The following ATP9B variants were observed in gnomAD, a reference collection of about 807,000 sequenced individuals.
The protein encoded by ATP9B is ATPase phospholipid transporting 9B.
A neutral mutation model predicts 146.1 loss-of-function variants in ATP9B; 110 were observed. The ratio of observed to expected loss-of-function variants is 0.75; its 90% CI spans 0.65 to 0.88. The LOEUF (loss-of-function observed/expected upper bound fraction) is 0.88, where lower values mean the gene tolerates loss of function less well. ATP9B is among the 40% of genes least tolerant of loss of function. The pLI is 0.00. For synonymous variants in ATP9B, 604 were observed against 569.7 expected, an observed-to-expected ratio of 1.06 and a Z score of -0.86; for missense variants, 1,499 against 1,496.4, an observed-to-expected ratio of 1.00 and a Z score of -0.03.
At chr18:79,199,011 G>A (rs1271846934) in intron 9 of ATP9B, among the ~76,000 whole-genome samples, 1 of 152,034 alleles carries the variant, frequency 6.6e-6, no homozygotes, top group South Asian at 2.1e-4. Context: ...GAGTGCAGTG[G>A]CGCAATCTCA....
chr18:79,348,851 G>C (rs535645605), intron 25 of ATP9B, among the ~76,000 whole-genome samples: 1 of 152,246 alleles, frequency 6.6e-6, no homozygotes, highest in South Asian at 2.1e-4. Flanking sequence ...AGGCGTGGTG[G>C]TGTGTGCCTG....
At chr18:79,242,806 A>C (rs1259041149) in intron 11 of ATP9B, among the ~76,000 whole-genome samples, 4 of 152,276 alleles carry the variant, frequency 2.6e-5, no homozygotes, top group Non-Finnish European at 5.9e-5. Context: ...GAAGACATAA[A>C]GTAACACAAA....
intron 13 of ATP9B, among the ~76,000 whole-genome samples, chr18:79,294,534 T>A (rs2096533788): frequency 6.6e-6 from 1 of 152,198 alleles, no homozygotes; most frequent in Non-Finnish European, 1.5e-5. Flanking sequence ...CCAGGTTCTT[T>A]AACAAATCAA....
chr18:79,307,149 G>A lies in ATP9B; in HGVS notation c.1688G>A (p.Gly563Asp). 6.2e-7 allele frequency: 1 copy of A among 1,614,192 alleles called. No homozygotes were observed. The highest frequency in any genetic ancestry group is 8.5e-7 in the Non-Finnish European group (1 of 1,180,044). ...NVTPVYESRA[G>D]VTEETEFAEA... is the part of the protein sequence containing the mutation. ...ACCCCCGTGTATGAGTCTCGGGCCGGCGTTACTGAGGAGACTGAGTTCGCA... is the reference window on the plus strand; with the variant it reads ...ACCCCCGTGTATGAGTCTCGGGCCGACGTTACTGAGGAGACTGAGTTCGCA... The change falls in exon 15 of 30, where the codon GGC (glycine) becomes GAC (aspartate). Residue 563 changes from glycine to aspartate, a missense_variant. Transcript: ENST00000426216.
At chr18:79,235,547 A>G (rs748357052) in intron 11 of ATP9B, among the ~76,000 whole-genome samples, 14 of 152,116 alleles carry the variant, frequency 9.2e-5, no homozygotes, top group Admixed American at 3.3e-4. Context: ...TTTTTATATT[A>G]TTGACAACAG....
At chr18:79,135,917 GCC>G (rs2094441890) in intron 5 of ATP9B, among the ~76,000 whole-genome samples, 2 of 152,014 alleles carry the variant, frequency 1.3e-5, no homozygotes, top group African/African-American at 4.8e-5. Flanking sequence ...CTACTGCATT[GCC>G]TTTAAACTCT....
chr18:79,369,724 T>A (rs1229542963), intron 26 of ATP9B, among the ~76,000 whole-genome samples: 3 of 152,208 alleles, frequency 2.0e-5, no homozygotes, highest in Non-Finnish European at 4.4e-5. Flanking sequence ...ATCAGCGTGC[T>A]CTGTGCCCCA....
chr18:79,188,706 A>G (rs925699990), intron 8 of ATP9B, among the ~76,000 whole-genome samples: 1 of 152,196 alleles, frequency 6.6e-6, no homozygotes, highest in Non-Finnish European at 1.5e-5. Context: ...TGTGCTTTTT[A>G]GAGACCTTGG....
At chr18:79,129,343 A>T (rs1162591350) in intron 5 of ATP9B, among the ~76,000 whole-genome samples, 2 of 152,090 alleles carry the variant, frequency 1.3e-5, no homozygotes, top group South Asian at 2.1e-4. Context: ...CTCAGATCCA[A>T]AGTCTTTCCC....
At chr18:79,285,729 T>C (rs2096431749) in intron 13 of ATP9B, among the ~76,000 whole-genome samples, 2 of 152,230 alleles carry the variant, frequency 1.3e-5, no homozygotes, top group South Asian at 4.1e-4. Flanking sequence ...TAGGTTCTCT[T>C]CTAGAGTTTT....
chr18:79,314,929 G>A (rs532445702), intron 15 of ATP9B, among the ~76,000 whole-genome samples: 23 of 152,370 alleles, frequency 1.5e-4, no homozygotes, highest in African/African-American at 5.5e-4. Flanking sequence ...AAGCGCTGAA[G>A]GCGTGGGGTG....
At chr18:79,086,873 T>G (rs2073886545) in intron 1 of ATP9B, among the ~76,000 whole-genome samples, 1 of 152,206 alleles carries the variant, frequency 6.6e-6, no homozygotes, top group South Asian at 2.1e-4. Flanking sequence ...GCTACTAAAG[T>G]CAAGGCATAT....
intron 1 of ATP9B, among the ~76,000 whole-genome samples, chr18:79,071,942 AT>A (rs766579974): frequency 2.5e-5 from 2 of 78,516 alleles, no homozygotes; most frequent in Admixed American, 1.2e-4. Context: ...TTTAGCCATT[AT>A]TTCTTCAACT....
intron 26 of ATP9B, among the ~76,000 whole-genome samples, chr18:79,369,465 G>A (rs7237828): frequency 0.054 from 7,850 of 146,282 alleles, 349 homozygotes; most frequent in African/African-American, 0.13. Flanking sequence ...CCCGGGAGGC[G>A]AAGCCTGCAG....
rs2096897912 is a variant in ATP9B, at chr18:79,347,706, A to C, written c.2683-64A>C. 1.3e-5 allele frequency: 19 copies of C among 1,470,702 alleles called. 1 individual carries two copies. The highest frequency in any genetic ancestry group is 1.7e-5 in the Non-Finnish European group (19 of 1,106,854). 91.1% of individuals were successfully genotyped at this position (1,470,702 alleles called of 1,614,324 possible). Reference sequence around the variant, plus strand: ...ACATTTAGGCTGAGTTCTAAAACTCACTTTTGGAGTCTGATTTCCAGCGTC... The same window carrying C: ...ACATTTAGGCTGAGTTCTAAAACTCCCTTTTGGAGTCTGATTTCCAGCGTC... On this transcript the variant is annotated intron_variant, in intron 23 of 29. Transcript: ENST00000426216.
At chr18:79,227,490 A>G (rs1345006492) in intron 11 of ATP9B, among the ~76,000 whole-genome samples, 2 of 151,970 alleles carry the variant, frequency 1.3e-5, no homozygotes, top group African/African-American at 4.8e-5. Flanking sequence ...GTAGGTAAGT[A>G]TATAGGTGGA....
intron 11 of ATP9B, among the ~76,000 whole-genome samples, chr18:79,219,554 T>C (rs1249161391): frequency 6.6e-6 from 1 of 151,834 alleles, no homozygotes; most frequent in African/African-American, 2.4e-5. Context: ...GAAAAGAAAA[T>C]CATATAGAAT....
At chr18:79,347,619 C>T (rs1415342399) in intron 23 of ATP9B, 151 bp from the exon 24 acceptor site, 2 of 911,122 alleles carry the variant, frequency 2.2e-6, no homozygotes, top group East Asian at 5.6e-5. Context: ...GACCATAGGA[C>T]CTGTCCCCAT....
In ATP9B at chr18:79,307,137, A is replaced by T. The variant is rs2096624034; in HGVS notation, c.1676A>T (p.Glu559Val). 6.2e-7 allele frequency: 1 copy of T among 1,614,196 alleles called. No homozygotes were observed. The highest frequency in any genetic ancestry group is 8.5e-7 in the Non-Finnish European group (1 of 1,180,036). Residue 559 changes from glutamate to valine, a missense_variant, in exon 15 of 30, where the codon GAG becomes GTG. Physicochemically the swap from Glu to Val is moderately radical, Grantham distance 121. Coordinates refer to ENST00000426216, the MANE Select transcript of ATP9B (RefSeq NM_198531.5). Reference protein sequence around the residue: ...VLCHNVTPVYESRAGVTEETE... With the variant: ...VLCHNVTPVYVSRAGVTEETE... ...TGTCACAACGTGACCCCCGTGTATG[A>T]GTCTCGGGCCGGCGTTACTGAGGAG...
Sources: allele counts gnomAD v4.1 joint callset (sites outside exome capture counted in the v4.1 genomes callset), GRCh38; gene constraint gnomAD v4.1.1; transcripts MANE v1.5; gene names NCBI Gene and HGNC (gene_info 2026-07-23, HGNC 2026-07-21).